Variants in TMEM72 observed in about 807,000 individuals in gnomAD.
TMEM72 encodes the protein kidney-specific secretory protein of 37 kDa.
Under a neutral mutation model 16.3 loss-of-function variants are expected in TMEM72, and 9 were observed. The ratio of observed to expected loss-of-function variants is 0.55; its 90% CI spans 0.33 to 0.96. TMEM72 has a LOEUF of 0.96. Among genes scored for constraint, TMEM72 ranks in the 40% least tolerant of loss-of-function variants. The pLI, the probability that TMEM72 is intolerant of heterozygous loss-of-function variation, is 0.03. For synonymous variants in TMEM72, 160 were observed against 146.5 expected (o/e 1.09, Z -0.66); for missense variants, 324 against 337.8 (o/e 0.96, Z 0.32).
rs528462351 is a variant in TMEM72 at position 44,932,333 on chromosome 10, G to A, written c.209+264G>A. Among the ~76,000 whole-genome samples the A allele has an allele frequency of 2.1e-4, 32 of 152,348 alleles. No homozygotes were observed. The East Asian group carries it at 6.0e-3, about 28-fold the overall frequency. ...GTCCTTGCCCAGAATCCCCAGAAAAGTCCAGCTCCCCCTCACCAGGAGCAG... is the reference window on the plus strand; with the variant it reads ...GTCCTTGCCCAGAATCCCCAGAAAAATCCAGCTCCCCCTCACCAGGAGCAG... On this transcript the variant is annotated intron_variant, in intron 3 of 4. Coordinates refer to ENST00000389583, the MANE Select transcript of TMEM72 (RefSeq NM_001123376.3).
intron 1 of TMEM72, among the ~76,000 whole-genome samples, chr10:44,913,761 T>C (rs1839972942): frequency 1.3e-5 from 2 of 152,254 alleles, no homozygotes; most frequent in South Asian, 4.1e-4. Context: ...TTCCAGTACA[T>C]AGGATTTGCA....
At chr10:44,934,631 G>T (rs376227397) in intron 4 of TMEM72, 25 bp from the exon 5 acceptor site, 20 of 1,535,166 alleles carry the variant, frequency 1.3e-5, no homozygotes, top group Admixed American at 2.1e-5. Flanking sequence ...CTCCTCTAGA[G>T]CCCTGACCTC....
intron 2 of TMEM72, among the ~76,000 whole-genome samples, chr10:44,928,424 A>G (rs1391073585): frequency 6.6e-6 from 1 of 151,574 alleles, no homozygotes. Flanking sequence ...CCATCTACCT[A>G]TCCACTTGCC....
intron 2 of TMEM72, among the ~76,000 whole-genome samples, chr10:44,929,635 C>T (rs1232601837): frequency 1.3e-5 from 2 of 152,274 alleles, no homozygotes; most frequent in Non-Finnish European, 1.5e-5. Flanking sequence ...CATCTAGACA[C>T]ACAGATCTCT....
At chr10:44,932,406 C>A (rs1411040235) in intron 3 of TMEM72, among the ~76,000 whole-genome samples, 1 of 152,228 alleles carries the variant, frequency 6.6e-6, no homozygotes, top group Non-Finnish European at 1.5e-5. Context: ...GGGGTGAGGA[C>A]CCTGCAGAAG....
intron 1 of TMEM72, chr10:44,920,296 T>G (rs2132715402): frequency 6.6e-6 from 1 of 152,372 alleles, no homozygotes; most frequent in East Asian, 1.9e-4. Context: ...ATGTCACAAT[T>G]CAACCCATGG....
chr10:44,927,681 C>T (rs1314340374), intron 1 of TMEM72, among the ~76,000 whole-genome samples: 7 of 152,224 alleles, frequency 4.6e-5, no homozygotes, highest in African/African-American at 1.7e-4. Context: ...GGTGGCTGCT[C>T]TGGGGAAGCT....
At chr10:44,915,837 C>A (rs1045778293) in intron 1 of TMEM72, among the ~76,000 whole-genome samples, 3 of 152,158 alleles carry the variant, frequency 2.0e-5, no homozygotes, top group African/African-American at 7.2e-5. Flanking sequence ...ACCACCGTGA[C>A]CTTCTCTAGC....
At chr10:44,916,433 A>G (rs1840015258) in intron 1 of TMEM72, among the ~76,000 whole-genome samples, 1 of 152,186 alleles carries the variant, frequency 6.6e-6, no homozygotes, top group Non-Finnish European at 1.5e-5. Context: ...AGAAGTATTT[A>G]AAACCCAGCT....
intron 1 of TMEM72, among the ~76,000 whole-genome samples, chr10:44,925,509 C>T (rs1840172357): frequency 6.6e-6 from 1 of 152,262 alleles, no homozygotes; most frequent in Non-Finnish European, 1.5e-5. Flanking sequence ...GCAGGAAGCA[C>T]TTCTTCCCCA....
rs1220407629 is a variant in TMEM72, at chr10:44,935,412, CA to C, written c.*279del. On this transcript the variant is annotated 3_prime_UTR_variant, in exon 5 of 5. Coordinates refer to ENST00000389583, the MANE Select transcript of TMEM72 (RefSeq NM_001123376.3). ...CCTTATGCTTCCCCAACAAGACCAT[CA>C]CTGCCACTGCGCACGAGGCTGCAGG... The C allele has an allele frequency of 3.8e-5, 15 of 390,238 alleles. No individual in the cohort carries two copies. Among genetic ancestry groups the C allele is most frequent in the Non-Finnish European group, 6.4e-5 (14 of 218,128 alleles). The allele number at this position is 390,238 out of a possible 1,614,324, so 24.2% of individuals were successfully genotyped here.
chr10:44,927,238 C>T (rs1026217833), intron 1 of TMEM72, among the ~76,000 whole-genome samples: 2 of 152,146 alleles, frequency 1.3e-5, no homozygotes, highest in African/African-American at 4.8e-5. Flanking sequence ...TTGTGGGAAG[C>T]CATGGGAGCC....
intron 1 of TMEM72, among the ~76,000 whole-genome samples, chr10:44,916,005 C>G (rs4948929): frequency 0.73 from 110,850 of 152,068 alleles, 41,238 homozygotes; most frequent in African/African-American, 0.84. Context: ...ATGCCTGAGA[C>G]GCTAGAGTGC....
At chr10:44,918,851 A>G (rs985766701) in intron 1 of TMEM72, among the ~76,000 whole-genome samples, 3 of 151,980 alleles carry the variant, frequency 2.0e-5, no homozygotes, top group Admixed American at 6.5e-5. Flanking sequence ...TCTATCATAC[A>G]ATGTGCGGTA....
chr10:44,913,209 C>T (rs905105408), intron 1 of TMEM72, among the ~76,000 whole-genome samples: 3 of 152,118 alleles, frequency 2.0e-5, no homozygotes, highest in Non-Finnish European at 4.4e-5. Context: ...AATAGGTTTC[C>T]ATGTCTGTTG....
chr10:44,929,544 G>T (rs940575878), intron 2 of TMEM72, among the ~76,000 whole-genome samples: 3 of 152,186 alleles, frequency 2.0e-5, no homozygotes, highest in African/African-American at 7.2e-5. Flanking sequence ...CCGCCTCAGG[G>T]CAGGCCTCTT....
At chr10:44,932,356 C>T (rs976788497) in intron 3 of TMEM72, among the ~76,000 whole-genome samples, 1 of 152,252 alleles carries the variant, frequency 6.6e-6, no homozygotes, top group Non-Finnish European at 1.5e-5. Flanking sequence ...TCACCAGGAG[C>T]AGCCAGTCAC....
intron 1 of TMEM72, among the ~76,000 whole-genome samples, chr10:44,914,176 A>G (rs1839980161): frequency 6.6e-6 from 1 of 152,192 alleles, no homozygotes; most frequent in Non-Finnish European, 1.5e-5. Flanking sequence ...AGTCCCGCAG[A>G]CCATTCTTGC....
At chr10:44,922,777 C>T (rs938404438) in intron 1 of TMEM72, among the ~76,000 whole-genome samples, 5 of 152,192 alleles carry the variant, frequency 3.3e-5, no homozygotes, top group African/African-American at 1.2e-4. Context: ...TCCCCAGACA[C>T]CATCTGTATT....
Sources: gnomAD v4.1 joint callset for allele counts (sites outside exome capture counted in the v4.1 genomes callset) on GRCh38, gnomAD v4.1.1 for gene constraint, MANE v1.5 for transcripts, NCBI Gene and HGNC (gene_info 2026-07-23, HGNC 2026-07-21) for gene names.